The following DENND6A variants were observed in gnomAD, a reference collection of about 807,000 sequenced individuals.
DENND6A encodes the protein protein DENND6A.
A neutral mutation model predicts 95.5 loss-of-function variants in DENND6A; 43 were observed. The observed-to-expected ratio is 0.45, with a 90% confidence interval of 0.35 to 0.58. The LOEUF (loss-of-function observed/expected upper bound fraction) is 0.58. Ranked by LOEUF, DENND6A falls within the 20% of genes least tolerant of loss-of-function variation. The pLI is 0.00. For missense variants in DENND6A, 574 were observed against 736.0 expected (o/e 0.78, Z 2.55); for synonymous variants, 257 against 260.4 (o/e 0.99, Z 0.13).
At chr3:57,643,214 G>C (rs2070989992) in intron 11 of DENND6A, among the ~76,000 whole-genome samples, 1 of 151,966 alleles carries the variant, frequency 6.6e-6, no homozygotes. Context: ...TTTAATGTGG[G>C]GCATGTTACA....
At chr3:57,679,305 A>C (rs1212329743) in intron 1 of DENND6A, among the ~76,000 whole-genome samples, 1 of 152,176 alleles carries the variant, frequency 6.6e-6, no homozygotes, top group East Asian at 1.9e-4. Flanking sequence ...AGATATTCCC[A>C]CCTGCCCTCA....
chr3:57,665,880 C>A, intron 4 of DENND6A: 1 of 361,116 alleles, frequency 2.8e-6, no homozygotes, highest in Non-Finnish European at 5.0e-6. Context: ...AGAAAATTAC[C>A]TCAACATTCT....
At position 57,666,246 on chromosome 3, in the gene DENND6A, T is replaced by C. The variant is rs187175369; in HGVS notation, c.320-11A>G. 318 of 1,593,778 alleles carry C rather than the reference T, an allele frequency of 2.0e-4. 1 individual carries two copies. The Admixed American group carries it at 5.0e-3, about 25-fold the overall frequency. ...TATCTCCAAGACAACCTAATGAAAA[T>C]AAAAATGAAATAAATTAAGGATAGC... On this transcript the variant is annotated splice_polypyrimidine_tract_variant and intron_variant, in intron 3 of 19. Coordinates refer to ENST00000311128, the MANE Select transcript of DENND6A (RefSeq NM_152678.3).
At chr3:57,657,525 G>A (rs2071350458) in intron 9 of DENND6A, 155 bp downstream of exon 9, 1 of 474,524 alleles carries the variant, frequency 2.1e-6, no homozygotes, top group African/African-American at 2.0e-5. Flanking sequence ...CTTATAACAT[G>A]TACCCAGGGA....
intron 3 of DENND6A, 66 bp from the exon 4 acceptor site, chr3:57,666,301 T>C: frequency 7.8e-7 from 1 of 1,277,820 alleles, no homozygotes; most frequent in Non-Finnish European, 1.1e-6. Flanking sequence ...GTTTCATCAA[T>C]TTTAGAGCTG....
chr3:57,655,749 C>CA (rs2071312167), intron 9 of DENND6A, among the ~76,000 whole-genome samples: 2 of 152,192 alleles, frequency 1.3e-5, no homozygotes, highest in Admixed American at 6.5e-5. Flanking sequence ...TCCCCAAATG[C>CA]AAAAAAGTCC....
At chr3:57,693,064 CGCAGAGCGCGCTTGCCTCCGCGCA>C (rs1471882067) in exon 1 of DENND6A, 64 of 1,338,638 alleles carry the variant, frequency 4.8e-5, no homozygotes, top group Non-Finnish European at 5.9e-5. Flanking sequence ...CGGACCGCGC[CGCAGAGCGCGCTTGCCTCCGCGCA>C]GGCGCAGACG....
intron 5 of DENND6A, 126 bp from the exon 6 acceptor site, chr3:57,661,677 A>G (rs2071426559): frequency 1.4e-6 from 1 of 705,052 alleles, no homozygotes; most frequent in Non-Finnish European, 2.3e-6. Flanking sequence ...TTTACAGTGG[A>G]TAGTTAAAAG....
In DENND6A at chr3:57,637,857, C is replaced by CG. The variant is rs1356173090; in HGVS notation, c.1133-3089dup. On this transcript the variant is annotated intron_variant, in intron 12 of 19. Coordinates refer to ENST00000311128, the MANE Select transcript of DENND6A (RefSeq NM_152678.3). ...AAATTATAAACTCCTGTGCACAGGC[C>CG]GGGCACAGTGGCTCACGCTTGTAAC... Among the ~76,000 whole-genome samples, 11 of 151,314 alleles carry CG rather than the reference C, an allele frequency of 7.3e-5. No homozygotes were observed. In the East Asian group the frequency reaches 2.1e-3, roughly 29 times the overall value.
intron 14 of DENND6A, 104 bp downstream of exon 14, chr3:57,634,454 A>G: frequency 2.0e-6 from 1 of 488,650 alleles, no homozygotes; most frequent in Non-Finnish European, 3.2e-6. Context: ...AAAAAAAAGG[A>G]GAGATCCTAT....
chr3:57,680,811 T>C (rs2077157501), intron 1 of DENND6A, among the ~76,000 whole-genome samples: 1 of 152,188 alleles, frequency 6.6e-6, no homozygotes, highest in Non-Finnish European at 1.5e-5. Context: ...AAACACTGTT[T>C]AGCATTAGTT....
intron 9 of DENND6A, among the ~76,000 whole-genome samples, chr3:57,656,683 G>A (rs540619004): frequency 2.6e-5 from 4 of 152,100 alleles, no homozygotes; most frequent in South Asian, 4.1e-4. Flanking sequence ...TCAGCCAGGC[G>A]CAGTGGCTCA....
intron 13 of DENND6A, 37 bp downstream of exon 13, chr3:57,634,667 T>C: frequency 4.0e-6 from 6 of 1,496,776 alleles, no homozygotes; most frequent in African/African-American, 1.4e-5. Context: ...CCAAGTACCA[T>C]ATAAATATAT....
At chr3:57,660,865 T>G (rs1035710263) in intron 6 of DENND6A, 26 bp from the exon 7 acceptor site, 1 of 1,537,706 alleles carries the variant, frequency 6.5e-7, no homozygotes, top group African/African-American at 1.4e-5. Flanking sequence ...AAATATTTTC[T>G]TAGAATAAGT....
rs973960404 is a variant in DENND6A at position 57,653,166 on chromosome 3, G to A, written c.818+4514C>T. On this transcript the variant is annotated intron_variant, in intron 9 of 19. Coordinates refer to ENST00000311128, the MANE Select transcript of DENND6A (RefSeq NM_152678.3). ...GTACTTACTACTTTTCTGTTGGTTT[G>A]TAAAAATAAGCAAAGGAAAAATGAA... Among the ~76,000 whole-genome samples the A allele has an allele frequency of 8.5e-5, 13 of 152,196 alleles. No homozygotes were observed. In the East Asian group the frequency reaches 2.5e-3, roughly 29 times the overall value.
At chr3:57,646,052 A>C (rs980417223) in intron 10 of DENND6A, among the ~76,000 whole-genome samples, 1 of 152,208 alleles carries the variant, frequency 6.6e-6, no homozygotes, top group African/African-American at 2.4e-5. Context: ...TTTATCAAGG[A>C]ACAACTTCAT....
At chr3:57,676,996 G>A (rs537251089) in intron 1 of DENND6A, among the ~76,000 whole-genome samples, 2 of 152,070 alleles carry the variant, frequency 1.3e-5, no homozygotes, top group South Asian at 2.1e-4. Context: ...GTTAATTCTT[G>A]TATTTTTAGT....
intron 1 of DENND6A, among the ~76,000 whole-genome samples, chr3:57,674,368 G>A (rs1348267886): frequency 2.2e-5 from 3 of 136,058 alleles, no homozygotes; most frequent in Non-Finnish European, 3.2e-5. Context: ...GCAAGACCCC[G>A]TCTCAAAAAA....
chr3:57,628,364 A>G lies in DENND6A; in HGVS notation c.1696-19T>C, dbSNP rs199763878. ...CCTGCAACTACATAAGGAACATTTC[A>G]TAACATTTAAATTATCCTCAGAATC... On this transcript the variant is annotated intron_variant, in intron 19 of 19. Transcript: ENST00000311128. 62 of 1,610,156 alleles carry G rather than the reference A, an allele frequency of 3.9e-5. No individual in the cohort carries two copies. Among genetic ancestry groups the G allele is most frequent in the East Asian group, 2.2e-4 (10 of 44,842 alleles).
Sources: gnomAD v4.1 joint callset for allele counts (sites outside exome capture counted in the v4.1 genomes callset) on GRCh38, gnomAD v4.1.1 for gene constraint, MANE v1.5 for transcripts, NCBI Gene and HGNC (gene_info 2026-07-23, HGNC 2026-07-21) for gene names.